METAP1: variants seen among roughly 807,000 people sequenced by gnomAD.
The protein encoded by METAP1 is methionine aminopeptidase 1.
A neutral mutation model predicts 53.8 loss-of-function variants in METAP1; 28 were observed. The observed-to-expected ratio is 0.52, with a 90% CI of 0.39 to 0.71. METAP1 has a LOEUF of 0.71. Among genes scored for constraint, METAP1 ranks in the 30% least tolerant of loss-of-function variants. The pLI, the probability that METAP1 is intolerant of heterozygous loss-of-function variation, is 0.00. For synonymous variants in METAP1, 181 were observed against 165.7 expected (o/e 1.09, Z -0.71); for missense variants, 389 against 479.8 (o/e 0.81, Z 1.77).
At chr4:99,053,415 AT>A (rs879577700) in intron 9 of METAP1, among the ~76,000 whole-genome samples, 5 of 150,238 alleles carry the variant, frequency 3.3e-5, no homozygotes, top group Non-Finnish European at 3.0e-5. Flanking sequence ...CTGCCTGGCT[AT>A]TTTTTTTTGT....
intron 1 of METAP1, chr4:99,023,320 C>T: frequency 1.4e-6 from 1 of 706,124 alleles, no homozygotes; most frequent in African/African-American, 1.9e-5. Flanking sequence ...CAGATTATTT[C>T]CTTTGGTTAA....
At chr4:98,997,818 G>C (rs1722708938) in intron 1 of METAP1, among the ~76,000 whole-genome samples, 1 of 152,146 alleles carries the variant, frequency 6.6e-6, no homozygotes, top group South Asian at 2.1e-4. Context: ...AATATTCCCA[G>C]AGTGGCTGTC....
chr4:99,008,930 G>A (rs1165074149), intron 1 of METAP1, among the ~76,000 whole-genome samples: 2 of 152,034 alleles, frequency 1.3e-5, no homozygotes, highest in African/African-American at 4.8e-5. Context: ...TTATTTTTAT[G>A]TGTATAGTTC....
intron 2 of METAP1, among the ~76,000 whole-genome samples, chr4:99,031,100 A>C (rs73832530): frequency 0.016 from 1,627 of 103,290 alleles, 33 homozygotes; most frequent in African/African-American, 0.049. Flanking sequence ...ACTCAAAGGT[A>C]GTTTTTTTTT....
At chr4:99,059,080 A>ACTG (rs1468314129) in intron 10 of METAP1, among the ~76,000 whole-genome samples, 3 of 152,222 alleles carry the variant, frequency 2.0e-5, no homozygotes, top group African/African-American at 7.2e-5. Flanking sequence ...ATTTCCATTA[A>ACTG]CTAGCACCTG....
chr4:99,058,081 G>A (rs957319204), intron 10 of METAP1, among the ~76,000 whole-genome samples: 2 of 152,118 alleles, frequency 1.3e-5, no homozygotes, highest in Non-Finnish European at 2.9e-5. Context: ...ATGTCAAAGG[G>A]TGCATTGTAA....
chr4:99,037,685 A>T (rs1725532457), intron 4 of METAP1: 1 of 151,894 alleles, frequency 6.6e-6, no homozygotes, highest in African/African-American at 2.4e-5. Flanking sequence ...ATCATGTACC[A>T]CTGCCAAACT....
chr4:99,037,917 T>C (rs1309337447), intron 4 of METAP1: 1 of 152,020 alleles, frequency 6.6e-6, no homozygotes, highest in Non-Finnish European at 1.5e-5. Flanking sequence ...CTTTACAATA[T>C]TGAGTCTTCC....
intron 1 of METAP1, among the ~76,000 whole-genome samples, chr4:99,008,137 C>G (rs1723270391): frequency 6.6e-6 from 1 of 152,086 alleles, no homozygotes; most frequent in African/African-American, 2.4e-5. Context: ...GAGTTAAGAA[C>G]TGAATTTTGA....
chr4:99,057,269 T>G (rs1322285584), intron 9 of METAP1, among the ~76,000 whole-genome samples: 1 of 152,250 alleles, frequency 6.6e-6, no homozygotes, highest in Non-Finnish European at 1.5e-5. Context: ...ATGTAGTTTC[T>G]ATGGGCTGTG....
At chr4:99,042,545 T>C (rs1486700065) in intron 6 of METAP1, among the ~76,000 whole-genome samples, 2 of 152,074 alleles carry the variant, frequency 1.3e-5, no homozygotes, top group African/African-American at 2.4e-5. Context: ...TTCCACTGAA[T>C]GTGGTTATTA....
chr4:99,036,636 AC>A (rs1725444370), intron 4 of METAP1, among the ~76,000 whole-genome samples: 1 of 152,112 alleles, frequency 6.6e-6, no homozygotes, highest in Non-Finnish European at 1.5e-5. Flanking sequence ...AATATGTCTT[AC>A]AAATGTGTCT....
intron 1 of METAP1, among the ~76,000 whole-genome samples, chr4:99,003,454 G>A (rs1723014877): frequency 1.3e-5 from 2 of 152,172 alleles, no homozygotes; most frequent in African/African-American, 4.8e-5. Flanking sequence ...TCTTCTGAGT[G>A]GGGATTTATG....
chr4:99,016,361 A>G (rs1429597172), intron 1 of METAP1, among the ~76,000 whole-genome samples: 1 of 152,314 alleles, frequency 6.6e-6, no homozygotes, highest in Non-Finnish European at 1.5e-5. Flanking sequence ...ATGAGTCTCT[A>G]AAATTTAGTT....
rs376457132 is a variant in METAP1 at position 99,034,101 on chromosome 4, C to T, written c.167-129C>T. ...GGTAAAAGTTTGGTGGATTTTTGTG[C>T]CTGGACTTGTTGGCTTGGTTTTAAA... On this transcript the variant is annotated intron_variant, in intron 2 of 10. Coordinates refer to ENST00000296411, the MANE Select transcript of METAP1 (RefSeq NM_015143.3). 1.1e-3 allele frequency: 640 copies of T among 606,628 alleles called. 10 individuals are homozygous for T. In the South Asian group the frequency reaches 0.012, roughly 11 times the overall value. 37.6% of individuals were successfully genotyped at this position (606,628 alleles called of 1,614,324 possible). A position where few individuals can be genotyped will look rare whatever the true frequency, so the allele number is the denominator to read the frequency against.
intron 1 of METAP1, among the ~76,000 whole-genome samples, chr4:99,000,159 C>T (rs963361509): frequency 6.6e-6 from 1 of 152,190 alleles, no homozygotes; most frequent in Non-Finnish European, 1.5e-5. Flanking sequence ...ATTGTTGATA[C>T]ACTCATTTAT....
chr4:99,012,452 T>C (rs1198559986), intron 1 of METAP1, among the ~76,000 whole-genome samples: 1 of 151,880 alleles, frequency 6.6e-6, no homozygotes, highest in Non-Finnish European at 1.5e-5. Context: ...TTTTTGTATT[T>C]TTAGTAGAGA....
At chr4:99,022,422 C>T in intron 1 of METAP1, 1 of 668,096 alleles carries the variant, frequency 1.5e-6, no homozygotes, top group Non-Finnish European at 2.4e-6. Flanking sequence ...AGGCAGTTGC[C>T]AGGTGAGCCC....
chr4:99,028,085 T>C (rs1724708577), intron 1 of METAP1, among the ~76,000 whole-genome samples: 1 of 152,188 alleles, frequency 6.6e-6, no homozygotes, highest in Non-Finnish European at 1.5e-5. Context: ...ATAATTTATT[T>C]GAGTAACTTT....
Sources: gnomAD v4.1 joint callset for allele counts (sites outside exome capture counted in the v4.1 genomes callset) on GRCh38, gnomAD v4.1.1 for gene constraint, MANE v1.5 for transcripts, NCBI Gene and HGNC (gene_info 2026-07-23, HGNC 2026-07-21) for gene names.